Variants in THBS4 observed in about 807,000 individuals in gnomAD.
THBS4 encodes thrombospondin 4.
THBS4 carries 90 observed loss-of-function variants against 115.7 expected under a neutral mutation model. The ratio of observed to expected loss-of-function variants is 0.78; its 90% CI spans 0.66 to 0.93. The LOEUF is 0.93. Ranked by LOEUF, THBS4 falls within the 40% of genes least tolerant of loss-of-function variation. THBS4 has a pLI of 0.00. For missense variants in THBS4, 1,087 were observed against 1,232.7 expected, an observed-to-expected ratio of 0.88 and a Z score of 1.77; for synonymous variants, 460 against 479.3, an observed-to-expected ratio of 0.96 and a Z score of 0.53.
chr5:80,002,748 A>G (rs1194250007), intron 2 of THBS4, among the ~76,000 whole-genome samples: 1 of 118,614 alleles, frequency 8.4e-6, no homozygotes, highest in African/African-American at 2.7e-5. Flanking sequence ...GAAGGGAGAA[A>G]AAAAAAAAAA....
intron 7 of THBS4, among the ~76,000 whole-genome samples, chr5:80,060,663 A>C (rs1833600788): frequency 6.6e-6 from 1 of 152,184 alleles, no homozygotes; most frequent in Non-Finnish European, 1.5e-5. Flanking sequence ...TGGAAGATGA[A>C]GCAGGAGGAT....
chr5:80,070,730 G>T lies in THBS4; in HGVS notation c.1540G>T (p.Asp514Tyr). The change falls in exon 12 of 22, where the codon GAT (aspartate) becomes TAT (tyrosine). Residue 514 changes from aspartate (D) to tyrosine (Y), a missense_variant. Asp to Tyr is a radical substitution (Grantham distance 160). This residue lies in a region of THBS4 where 979 missense variants were observed against 1,103.7 expected (regional missense o/e 0.89). Transcript: ENST00000350881. ...GDACDEDADG[D>Y]GILNEQDNCV... ...CGCTTGTGACGAGGATGCTGACGGA[G>T]ATGGGATCCTGAATGAGCAGGTACC... The T allele has an allele frequency of 6.2e-7, 1 of 1,614,228 alleles. No homozygotes were observed. The highest frequency in any genetic ancestry group is 1.1e-5 in the South Asian group (1 of 91,090).
At chr5:80,078,272 A>G (rs1490316854) in intron 17 of THBS4, 45 bp downstream of exon 17, 1 of 1,479,750 alleles carries the variant, frequency 6.8e-7, no homozygotes, top group Non-Finnish European at 9.1e-7. Flanking sequence ...GCCTCTCAAC[A>G]GAGGCCCTTC....
rs1351262220 is a variant in THBS4 at position 80,078,093 on chromosome 5, C to CT, written c.2131_2132insT (p.Gln711LeufsTer31). On this transcript the variant is annotated frameshift_variant, in exon 17 of 22. Transcript: ENST00000350881. LOFTEE classifies it high-confidence loss of function. ...CTGTGAGTCTGACTTTGACCAGGAC[C>CT]AGGTCATCGATCGGATCGACGTCTG... 1 of 1,608,548 alleles carries CT rather than the reference C, an allele frequency of 6.2e-7. No individual in the cohort carries two copies. Among genetic ancestry groups the CT allele is most frequent in the Admixed American group, 1.7e-5 (1 of 59,658 alleles).
In THBS4 at chr5:80,067,986, G is replaced by A. The variant is rs774206330; in HGVS notation, c.1208G>A (p.Cys403Tyr). The A allele has an allele frequency of 6.2e-7, 1 of 1,614,146 alleles. No homozygotes were observed. Among genetic ancestry groups the A allele is most frequent in the South Asian group, 1.1e-5 (1 of 91,068 alleles). The change falls in exon 10 of 22, where the codon TGT becomes TAT. Residue 403 changes from cysteine (C) to tyrosine (Y), a missense_variant. Coordinates refer to ENST00000350881, the MANE Select transcript of THBS4 (RefSeq NM_003248.6). ...TGTTCCTTGCAGGGATCTTACCGCT[G>A]TGGGCCTTGTAAGCCGGGGTATACT... ...ICVNTLGSYR[C>Y]GPCKPGYTGD...
intron 2 of THBS4, among the ~76,000 whole-genome samples, chr5:80,029,955 G>C (rs938720393): frequency 6.6e-6 from 1 of 151,962 alleles, no homozygotes; most frequent in Non-Finnish European, 1.5e-5. Flanking sequence ...GGGCGACAGC[G>C]AGACTCCATC....
chr5:80,078,605 C>T (rs1743335787), intron 17 of THBS4, among the ~76,000 whole-genome samples: 1 of 152,184 alleles, frequency 6.6e-6, no homozygotes, highest in African/African-American at 2.4e-5. Context: ...AGTAGATTTT[C>T]CAGAGTCACA....
At chr5:80,051,636 C>T (rs1164958649) in intron 2 of THBS4, among the ~76,000 whole-genome samples, 2 of 152,138 alleles carry the variant, frequency 1.3e-5, no homozygotes, top group Admixed American at 6.5e-5. Context: ...AGTATGAACA[C>T]AATAGGAGGT....
chr5:80,049,238 C>G (rs1188989357), intron 2 of THBS4, among the ~76,000 whole-genome samples: 1 of 152,116 alleles, frequency 6.6e-6, no homozygotes, highest in African/African-American at 2.4e-5. Context: ...TCTTCATTGC[C>G]TGGGCTTGCT....
chr5:80,053,498 G>A (rs755028533), intron 2 of THBS4, among the ~76,000 whole-genome samples: 4 of 151,794 alleles, frequency 2.6e-5, no homozygotes, highest in Admixed American at 2.0e-4. Flanking sequence ...GCAATGCTGG[G>A]CTGTTGGGTT....
At chr5:80,073,731 G>A (rs1743040970) in intron 15 of THBS4, among the ~76,000 whole-genome samples, 1 of 152,136 alleles carries the variant, frequency 6.6e-6, no homozygotes, top group Non-Finnish European at 1.5e-5. Context: ...CATTCCTTGG[G>A]ATCTTTCTGG....
rs1393927143 is a variant in THBS4, at chr5:80,058,784, A to G, written c.726A>G (p.Arg242=). 3.1e-6 allele frequency: 5 copies of G among 1,613,640 alleles called. No homozygotes were observed. ...QLLGEVKDLL[R]QQVKETSFLR... ...TGGGAGAGGTGAAGGACCTTCTGAG[A>G]CAGCAGGTAACAAGCGGGACATATC... The change falls in exon 5 of 22, where the codon AGA becomes AGG. Residue 242 remains arginine (R), a synonymous_variant. Coordinates refer to ENST00000350881, the MANE Select transcript of THBS4 (RefSeq NM_003248.6).
At chr5:80,050,705 T>C (rs1185443739) in intron 2 of THBS4, among the ~76,000 whole-genome samples, 1 of 152,214 alleles carries the variant, frequency 6.6e-6, no homozygotes, top group Non-Finnish European at 1.5e-5. Context: ...AAGAGGGTCT[T>C]CGGGAAAGGG....
upstream of THBS4, chr5:80,033,146 A>G: frequency 2.7e-6 from 1 of 365,514 alleles, no homozygotes; most frequent in Non-Finnish European, 5.6e-6. Flanking sequence ...TCATAAAAAG[A>G]AAAACTGGCA....
intron 20 of THBS4, among the ~76,000 whole-genome samples, chr5:80,080,508 CTG>C (rs1370332324): frequency 2.0e-5 from 2 of 97,816 alleles, no homozygotes; most frequent in South Asian, 7.0e-4. Context: ...TTCACCCTGA[CTG>C]CAGCACTATG....
intron 1 of THBS4, among the ~76,000 whole-genome samples, chr5:80,037,251 A>G (rs2112021650): frequency 6.6e-6 from 1 of 152,232 alleles, no homozygotes; most frequent in South Asian, 2.1e-4. Context: ...TATACAACCT[A>G]AATTATCTGG....
At position 80,059,833 on chromosome 5, in the gene THBS4, A is replaced by T. The variant is rs1833570098; in HGVS notation, c.915A>T (p.Arg305Ser). 9 of 1,614,196 alleles carry T rather than the reference A, an allele frequency of 5.6e-6. No homozygotes were observed. The highest frequency in any genetic ancestry group is 7.6e-6 in the Non-Finnish European group (9 of 1,180,040). ...CFRGVQCTDS[R>S]DGFQCGPCPE... ...GAGGTGTCCAATGTACCGACAGTAG[A>T]GATGGCTTCCAGTGTGGGCCCTGCC... is the stretch of plus-strand genomic sequence containing the variant. Residue 305 changes from arginine (R) to serine (S), a missense_variant, in exon 7 of 22, where the codon AGA becomes AGT. By Grantham distance (110) the Arg-to-Ser change is moderately radical. Coordinates refer to ENST00000350881, the MANE Select transcript of THBS4 (RefSeq NM_003248.6).
chr5:80,025,933 A>G (rs1328945259), intron 2 of THBS4, among the ~76,000 whole-genome samples: 1 of 152,168 alleles, frequency 6.6e-6, no homozygotes, highest in Non-Finnish European at 1.5e-5. Flanking sequence ...CATACTCAAA[A>G]ACTCTTCTGG....
chr5:80,055,061 C>T (rs928596632), intron 2 of THBS4, among the ~76,000 whole-genome samples: 5 of 152,198 alleles, frequency 3.3e-5, no homozygotes, highest in Non-Finnish European at 7.4e-5. Flanking sequence ...GTGGCTCACA[C>T]CTGTAATCCC....
Sources: gnomAD v4.1 joint callset for allele counts (sites outside exome capture counted in the v4.1 genomes callset) on GRCh38, gnomAD v4.1.1 for gene constraint, gnomAD v4.1.1 regional missense constraint, MANE v1.5 for transcripts, NCBI Gene and HGNC (gene_info 2026-07-23, HGNC 2026-07-21) for gene names.